PCDHA5: variants seen among roughly 807,000 people sequenced by gnomAD.
PCDHA5 encodes the protein protocadherin alpha 5.
Under a neutral mutation model 61.6 loss-of-function variants are expected in PCDHA5, and 43 were observed. The observed-to-expected ratio is 0.70, with a 90% CI of 0.55 to 0.90. PCDHA5 has a LOEUF of 0.90. Among genes scored for constraint, PCDHA5 ranks in the 40% least tolerant of loss-of-function variants. PCDHA5 has a pLI of 0.00. For missense variants in PCDHA5, 1,298 were observed against 1,222.7 expected, an observed-to-expected ratio of 1.06 and a Z score of -0.92; for synonymous variants, 627 against 543.9, an observed-to-expected ratio of 1.15 and a Z score of -2.13.
intron 1 of PCDHA5, among the ~76,000 whole-genome samples, chr5:140,957,730 T>G (rs1044691694): frequency 6.6e-6 from 1 of 152,144 alleles, no homozygotes; most frequent in Non-Finnish European, 1.5e-5. Flanking sequence ...AGCAGAATTA[T>G]ATATACTGAC....
intron 1 of PCDHA5, chr5:140,827,876 G>T: frequency 1.5e-6 from 1 of 646,280 alleles, no homozygotes; most frequent in East Asian, 2.7e-5. Context: ...GCACTGTTAC[G>T]TGAATTGATT....
intron 3 of PCDHA5, among the ~76,000 whole-genome samples, chr5:141,003,751 T>G (rs3822342): frequency 0.05 from 7,683 of 152,316 alleles, 243 homozygotes; most frequent in South Asian, 0.11. Flanking sequence ...ATATTTTGTA[T>G]AATTATGGTC....
At chr5:140,848,501 A>G (rs2150411434) in intron 1 of PCDHA5, 1 of 1,586,022 alleles carries the variant, frequency 6.3e-7, no homozygotes, top group African/African-American at 1.4e-5. Flanking sequence ...TTGAAATGTT[A>G]TACTCAAGTC....
chr5:140,860,972 C>G (rs539931081), intron 1 of PCDHA5: 1 of 152,196 alleles, frequency 6.6e-6, no homozygotes, highest in Non-Finnish European at 1.5e-5. Context: ...CTCCTGACCT[C>G]GTGATCCACC....
intron 1 of PCDHA5, among the ~76,000 whole-genome samples, chr5:140,901,222 C>A (rs1336015424): frequency 6.6e-6 from 1 of 151,984 alleles, no homozygotes; most frequent in Admixed American, 6.6e-5. Context: ...TGATGTGATC[C>A]CATATATCCA....
At chr5:140,988,698 A>AT (rs782470160) in intron 3 of PCDHA5, among the ~76,000 whole-genome samples, 115 of 152,234 alleles carry the variant, frequency 7.6e-4, no homozygotes, top group Middle Eastern at 6.8e-3. Flanking sequence ...GACGCTCTGT[A>AT]TTTTCTTGGA....
Position 140,884,200 on chromosome 5 carries a change from C to T in PCDHA5, c.2352+60073C>T, listed in dbSNP as rs2060048327. 2.5e-6 allele frequency: 4 copies of T among 1,613,458 alleles called. No individual in the cohort carries two copies. The Admixed American group carries it at 5.0e-5, about 20-fold the overall frequency. Reference sequence around the variant, plus strand: ...CTCTGGACGAGGTGGACGCGCCGCACCACCGCCTTCTGGTGCTGGTGAAGG... The same window carrying T: ...CTCTGGACGAGGTGGACGCGCCGCATCACCGCCTTCTGGTGCTGGTGAAGG... On this transcript the variant is annotated intron_variant, in intron 1 of 3. Transcript: ENST00000529859.
At chr5:140,989,723 G>A (rs2097356372) in intron 3 of PCDHA5, among the ~76,000 whole-genome samples, 1 of 152,180 alleles carries the variant, frequency 6.6e-6, no homozygotes, top group African/African-American at 2.4e-5. Flanking sequence ...CAGCTTTGCA[G>A]TTGAAAAGGC....
rs1012417649 is a variant in PCDHA5 at position 141,010,189 on chromosome 5, T to C, written c.*252T>C. On this transcript the variant is annotated 3_prime_UTR_variant, in exon 4 of 4. Coordinates refer to ENST00000529859, the MANE Select transcript of PCDHA5 (RefSeq NM_018908.3). ...AGAACCTAAAAAGCAGACCCAAGTT[T>C]CCTTTCTCCTCCGCCGCAAAGGAGA... 6 of 1,552,498 alleles carry C rather than the reference T, an allele frequency of 3.9e-6. No individual in the cohort carries two copies. Among genetic ancestry groups the C allele is most frequent in the Middle Eastern group, 1.7e-4 (1 of 5,994 alleles).
intron 1 of PCDHA5, chr5:140,830,029 G>A (rs2150179968): frequency 1.2e-6 from 2 of 1,613,910 alleles, no homozygotes; most frequent in Middle Eastern, 1.7e-4. Flanking sequence ...CGCGCCACCG[G>A]CTGCTGGTGC....
At chr5:140,972,353 T>C (rs571045648) in intron 1 of PCDHA5, among the ~76,000 whole-genome samples, 5 of 152,058 alleles carry the variant, frequency 3.3e-5, no homozygotes, top group South Asian at 2.1e-4. Flanking sequence ...TCTCACTATG[T>C]TGCACATGCT....
Position 140,887,082 on chromosome 5 carries a change from CT to C in PCDHA5, c.2352+62956del, listed in dbSNP as rs781992332. On this transcript the variant is annotated intron_variant, in intron 1 of 3. Coordinates refer to ENST00000529859, the MANE Select transcript of PCDHA5 (RefSeq NM_018908.3). Reference sequence around the variant, plus strand: ...GGCAACAAATTCACTCAGCTTTTGTCTGAGAAATATCTTTATCTCTTTTTTT... The same window carrying C: ...GGCAACAAATTCACTCAGCTTTTGTCGAGAAATATCTTTATCTCTTTTTTT... 2.0e-5 allele frequency among the ~76,000 whole-genome samples: 3 copies of C among 151,694 alleles called. No individual in the cohort carries two copies. The East Asian group carries it at 5.8e-4, about 29-fold the overall frequency.
chr5:140,898,156 G>C (rs1176390379), intron 1 of PCDHA5, among the ~76,000 whole-genome samples: 2 of 152,114 alleles, frequency 1.3e-5, no homozygotes, highest in African/African-American at 4.8e-5. Context: ...TCACGCTGAT[G>C]GTGGTTTCTT....
chr5:140,908,276 A>T (rs1554193275), intron 1 of PCDHA5, among the ~76,000 whole-genome samples: 1 of 152,148 alleles, frequency 6.6e-6, no homozygotes, highest in Non-Finnish European at 1.5e-5. Context: ...CCATGAGGCC[A>T]TTGTTGCAAG....
chr5:140,985,236 C>G (rs1338808702), intron 3 of PCDHA5, among the ~76,000 whole-genome samples: 1 of 152,184 alleles, frequency 6.6e-6, no homozygotes, highest in Admixed American at 6.5e-5. Context: ...CGCGCCTGGC[C>G]TAATCTTCTT....
intron 1 of PCDHA5, chr5:140,882,537 T>C (rs1582624652): frequency 6.2e-7 from 1 of 1,614,176 alleles, no homozygotes; most frequent in East Asian, 2.2e-5. Context: ...AATTCTCGGA[T>C]CGACCGCGAG....
rs1026092245 is a variant in PCDHA5 at position 140,987,228 on chromosome 5, T to A, written c.2500+4665T>A. On this transcript the variant is annotated intron_variant, in intron 3 of 3. Transcript: ENST00000529859. The stretch of plus-strand genomic sequence containing the variant: ...GACTCCATCTCAAAAAAAAAAAAAA[T>A]AATAAATAAAGAAAGAAAGACATTC... Among the ~76,000 whole-genome samples, 392 of 149,148 alleles carry A rather than the reference T, an allele frequency of 2.6e-3. 1 individual carries two copies. Among genetic ancestry groups the A allele is most frequent in the African/African-American group, 8.3e-3 (336 of 40,458 alleles).
Position 140,852,809 on chromosome 5 carries a change from C to T in PCDHA5, c.2352+28682C>T, listed in dbSNP as rs1429984533. 2.4e-5 allele frequency: 23 copies of T among 974,514 alleles called. 1 individual carries two copies. The highest frequency in any genetic ancestry group is 6.3e-5 in the Admixed American group (1 of 15,844). 60.4% of individuals were successfully genotyped at this position (974,514 alleles called of 1,614,324 possible). A position where few individuals can be genotyped will look rare whatever the true frequency, so the allele number is the denominator to read the frequency against. On this transcript the variant is annotated intron_variant, in intron 1 of 3. Transcript: ENST00000529859. Reference sequence around the variant, plus strand: ...GGATGCTACAGATGTCATTTGTCTCCCGCCCTAAGTCCTCCAGTCTCCTTA... The same window carrying T: ...GGATGCTACAGATGTCATTTGTCTCTCGCCCTAAGTCCTCCAGTCTCCTTA...
intron 2 of PCDHA5, 96 bp from the exon 3 acceptor site, chr5:140,982,379 C>T (rs959359344): frequency 1.4e-5 from 22 of 1,575,004 alleles, no homozygotes; most frequent in South Asian, 3.5e-5. Context: ...TAGCTGCAGC[C>T]CTGGCTTCAT....
Sources: allele counts gnomAD v4.1 joint callset (sites outside exome capture counted in the v4.1 genomes callset), GRCh38; gene constraint gnomAD v4.1.1; transcripts MANE v1.5; gene names NCBI Gene and HGNC (gene_info 2026-07-23, HGNC 2026-07-21).